Variants in TRIM48 observed in about 807,000 individuals in gnomAD.
The protein encoded by TRIM48 is tripartite motif containing 48.
Under a neutral mutation model 29.5 loss-of-function variants are expected in TRIM48, and 31 were observed. The observed-to-expected ratio is 1.05, with a 90% CI of 0.79 to 1.42. The LOEUF (loss-of-function observed/expected upper bound fraction) is 1.42. TRIM48 is among the 40% of genes most tolerant of loss of function. TRIM48 has a pLI of 0.00. For missense variants in TRIM48, 344 were observed against 265.0 expected (o/e 1.30, Z -2.07); for synonymous variants, 128 against 90.6 (o/e 1.41, Z -2.34).
intron 1 of TRIM48, among the ~76,000 whole-genome samples, chr11:55,263,400 C>A (rs1222212445): frequency 6.6e-6 from 1 of 152,044 alleles, no homozygotes; most frequent in African/African-American, 2.4e-5. Context: ...TGCCTGTAAT[C>A]CCAGCACTTT....
At chr11:55,269,626 C>T (rs1442785322) in intron 5 of TRIM48, among the ~76,000 whole-genome samples, 1 of 147,164 alleles carries the variant, frequency 6.8e-6, no homozygotes, top group Non-Finnish European at 1.5e-5. Flanking sequence ...TGGAACAATG[C>T]TCAGAATGAA....
At chr11:55,263,419 G>A (rs184077910) in intron 1 of TRIM48, among the ~76,000 whole-genome samples, 303 of 152,090 alleles carry the variant, frequency 2.0e-3, no homozygotes, top group African/African-American at 6.9e-3. Flanking sequence ...TTTGGAGGCC[G>A]TGGCAGGCAG....
chr11:55,269,179 C>T (rs1348582635), intron 4 of TRIM48, 63 bp from the exon 5 acceptor site: 1 of 1,531,754 alleles, frequency 6.5e-7, no homozygotes, highest in Admixed American at 1.8e-5. Context: ...CTTTTAAACA[C>T]AAGTAGTGAT....
Position 55,264,772 on chromosome 11 carries a change from G to T in TRIM48, c.45-128G>T, listed in dbSNP as rs949555996. 10 of 1,417,040 alleles carry T rather than the reference G, an allele frequency of 7.1e-6. 2 individuals carry two copies. Among genetic ancestry groups the T allele is most frequent in the African/African-American group, 5.8e-5 (4 of 68,648 alleles). 87.8% of individuals were successfully genotyped at this position (1,417,040 alleles called of 1,614,324 possible). A position where few individuals can be genotyped will look rare whatever the true frequency, so the allele number is the denominator to read the frequency against. Reference sequence around the variant, plus strand: ...TGAGATTTTTATTTTTGTTACAGAAGAAATAGTTTGTTGTGCTTTAATGAA... The same window carrying T: ...TGAGATTTTTATTTTTGTTACAGAATAAATAGTTTGTTGTGCTTTAATGAA... On this transcript the variant is annotated intron_variant, in intron 1 of 5. Coordinates refer to ENST00000417545, the MANE Select transcript of TRIM48 (RefSeq NM_024114.5).
chr11:55,267,718 C>G, intron 3 of TRIM48: 2 of 1,520,658 alleles, frequency 1.3e-6, no homozygotes, highest in Non-Finnish European at 1.8e-6. Context: ...ATCCATCTCC[C>G]TACCTTTATT....
At chr11:55,265,382 G>T in intron 2 of TRIM48, 68 bp downstream of exon 2, 1 of 1,570,600 alleles carries the variant, frequency 6.4e-7, no homozygotes, top group Non-Finnish European at 8.6e-7. Context: ...CTATTTTCTT[G>T]GAGATTGGGT....
chr11:55,265,314 G>T lies in TRIM48; in HGVS notation c.459G>T (p.Trp153Cys), dbSNP rs749231619. The change falls in exon 2 of 6, where the codon TGG (tryptophan) becomes TGT (cysteine). Residue 153 changes from tryptophan to cysteine, a missense_variant and splice_region_variant. Trp to Cys is a radical substitution (Grantham distance 215, BLOSUM62 -2). Coordinates refer to ENST00000417545, the MANE Select transcript of TRIM48 (RefSeq NM_024114.5). ...CTGAGTGGGCTGCTGAGGAACACTG[G>T]GTAAGTGATGCCTCTGAAGATCTAT... ...CPAEWAAEEH[W>C]EKLLKKMQSL... 6 of 1,582,042 alleles carry T rather than the reference G, an allele frequency of 3.8e-6. No homozygotes were observed. Among genetic ancestry groups the T allele is most frequent in the Non-Finnish European group, 5.1e-6 (6 of 1,165,990 alleles).
At chr11:55,265,550 A>G in intron 2 of TRIM48, 50 bp from the exon 3 acceptor site, 5 of 1,558,814 alleles carry the variant, frequency 3.2e-6, no homozygotes, top group Non-Finnish European at 4.4e-6. Context: ...AACGGTCTGT[A>G]TGTTACTTTA....
intron 3 of TRIM48, 89 bp from the exon 4 acceptor site, chr11:55,268,261 T>G (rs1857422975): frequency 8.6e-7 from 1 of 1,169,202 alleles, no homozygotes; most frequent in Non-Finnish European, 1.2e-6. Flanking sequence ...AATAATATCT[T>G]GAGGAACTGA....
chr11:55,269,072 T>C lies in TRIM48; in HGVS notation c.579-170T>C, dbSNP rs1437340167. ...TGACTCAGACTCTCCCACTATGCTTTAAAATTTGGAAACTGTAAATAGAAA... is the reference window on the plus strand; with the variant it reads ...TGACTCAGACTCTCCCACTATGCTTCAAAATTTGGAAACTGTAAATAGAAA... On this transcript the variant is annotated intron_variant, in intron 4 of 5. Transcript: ENST00000417545. Among the ~76,000 whole-genome samples the C allele has an allele frequency of 4.7e-5, 7 of 148,766 alleles. 2 individuals are homozygous for C. The highest frequency in any genetic ancestry group is 1.7e-4 in the African/African-American group (7 of 40,698).
intron 3 of TRIM48, 146 bp from the exon 4 acceptor site, chr11:55,268,204 T>C (rs1314755383): frequency 2.6e-6 from 2 of 781,754 alleles, no homozygotes; most frequent in Non-Finnish European, 4.1e-6. Flanking sequence ...GGGTTTTTCA[T>C]TACAGAAGAA....
chr11:55,264,292 T>C (rs192026863), intron 1 of TRIM48, among the ~76,000 whole-genome samples: 1 of 148,156 alleles, frequency 6.7e-6, no homozygotes, highest in East Asian at 2.1e-4. Context: ...TTTTTATTTG[T>C]TTATTTGGTT....
At chr11:55,264,270 T>C (rs868530515) in intron 1 of TRIM48, among the ~76,000 whole-genome samples, 1 of 148,198 alleles carries the variant, frequency 6.7e-6, no homozygotes, top group Non-Finnish European at 1.5e-5. Flanking sequence ...CCTAAATTGG[T>C]TTAATTGCTG....
chr11:55,267,944 G>A (rs1415322750), intron 3 of TRIM48, among the ~76,000 whole-genome samples: 6 of 147,832 alleles, frequency 4.1e-5, no homozygotes, highest in Non-Finnish European at 7.5e-5. Flanking sequence ...AAAATAGTGA[G>A]TGATTCATTT....
At chr11:55,269,890 T>G (rs370376906) in intron 5 of TRIM48, among the ~76,000 whole-genome samples, 8 of 148,034 alleles carry the variant, frequency 5.4e-5, no homozygotes, top group East Asian at 4.3e-4. Flanking sequence ...AAAAGCTACA[T>G]GTTAAGTCTA....
At chr11:55,265,805 A>AG (rs1857384081) in intron 3 of TRIM48, 110 bp downstream of exon 3, 2 of 1,233,524 alleles carry the variant, frequency 1.6e-6, no homozygotes, top group Non-Finnish European at 2.2e-6. Flanking sequence ...GTCAAAAAAA[A>AG]AAAAAAAAGA....
chr11:55,262,739 G>A (rs11228904), intron 1 of TRIM48, among the ~76,000 whole-genome samples: 16,513 of 151,922 alleles, frequency 0.11, 1,066 homozygotes, highest in South Asian at 0.28. Flanking sequence ...ATGAAAAATA[G>A]TGAAACTGAA....
chr11:55,262,606 T>TACACATAG (rs1857321299), intron 1 of TRIM48, among the ~76,000 whole-genome samples: 2 of 152,268 alleles, frequency 1.3e-5, no homozygotes, highest in Admixed American at 1.3e-4. Flanking sequence ...CATAGGTGTG[T>TACACATAG]GTAAATATAT....
intron 1 of TRIM48, among the ~76,000 whole-genome samples, chr11:55,263,066 G>T (rs371810965): frequency 1.3e-5 from 2 of 152,104 alleles, no homozygotes; most frequent in African/African-American, 4.8e-5. Context: ...CAGAATCATA[G>T]GGTGTATATG....
Sources: allele counts gnomAD v4.1 joint callset (sites outside exome capture counted in the v4.1 genomes callset), GRCh38; gene constraint gnomAD v4.1.1; transcripts MANE v1.5; gene names NCBI Gene and HGNC (gene_info 2026-07-23, HGNC 2026-07-21).